Variants in XIRP2 observed in about 807,000 individuals in gnomAD.
XIRP2 encodes xin actin binding repeat containing 2, also known as xin actin-binding repeat-containing protein 2.
In XIRP2, 236 loss-of-function variants were observed where a neutral mutation model predicts 277.0. The observed-to-expected ratio is 0.85, with a 90% CI of 0.77 to 0.95. The LOEUF (loss-of-function observed/expected upper bound fraction) is 0.95, where lower values mean the gene tolerates loss of function less well. Ranked by LOEUF, XIRP2 falls within the 40% of genes least tolerant of loss-of-function variation. XIRP2 has a pLI of 0.00. For missense variants in XIRP2, 4,640 were observed against 4,157.5 expected (o/e 1.12, Z -3.19); for synonymous variants, 1,490 against 1,416.5 (o/e 1.05, Z -1.17).
intron 2 of XIRP2, among the ~76,000 whole-genome samples, chr2:166,957,122 A>G (rs1423632955): frequency 6.6e-6 from 1 of 151,612 alleles, no homozygotes; most frequent in Non-Finnish European, 1.5e-5. Context: ...TTTTGTTTCC[A>G]TGTTGTGCCT....
chr2:166,979,780 G>T (rs1471583288), intron 2 of XIRP2, among the ~76,000 whole-genome samples: 1 of 152,118 alleles, frequency 6.6e-6, no homozygotes, highest in Admixed American at 6.5e-5. Flanking sequence ...GATTAATTTC[G>T]ATTGCCAATA....
Position 167,257,982 on chromosome 2 carries a change from G to A in XIRP2, c.*165G>A, listed in dbSNP as rs1695709789. The A allele has an allele frequency of 6.2e-7, 1 of 1,613,010 alleles. No individual in the cohort carries two copies. Among genetic ancestry groups the A allele is most frequent in the East Asian group, 2.2e-5 (1 of 44,810 alleles). On this transcript the variant is annotated 3_prime_UTR_variant, in exon 11 of 11. Coordinates refer to ENST00000409195, the MANE Select transcript of XIRP2 (RefSeq NM_152381.6). ...AAGCAGCATAAAGATAGATGGAACT[G>A]CAAAAACCAAAGCAGATCAGTGGAC... is the stretch of plus-strand genomic sequence containing the variant.
At chr2:167,118,728 A>C (rs1382252042) in intron 2 of XIRP2, among the ~76,000 whole-genome samples, 2 of 152,034 alleles carry the variant, frequency 1.3e-5, no homozygotes, top group East Asian at 1.9e-4. Flanking sequence ...GTGGTAAATA[A>C]ATTTCTGATC....
chr2:167,024,193 G>A (rs1688079573), intron 2 of XIRP2, among the ~76,000 whole-genome samples: 1 of 152,002 alleles, frequency 6.6e-6, no homozygotes, highest in South Asian at 2.1e-4. Context: ...GGATTCCTAG[G>A]TATTTTATTC....
chr2:166,913,934 A>G (rs765246069), intron 2 of XIRP2, among the ~76,000 whole-genome samples: 8 of 152,224 alleles, frequency 5.3e-5, no homozygotes, highest in Non-Finnish European at 1.2e-4. Flanking sequence ...CTCTGGTGAT[A>G]GTTATTTTGA....
intron 5 of XIRP2, among the ~76,000 whole-genome samples, chr2:167,235,597 T>C (rs947559755): frequency 2.0e-5 from 3 of 151,858 alleles, no homozygotes; most frequent in Admixed American, 2.0e-4. Context: ...ATGATGACTA[T>C]GAAATGTGAT....
chr2:167,251,415 G>C lies in XIRP2; in HGVS notation c.10023G>C (p.Glu3341Asp). The C allele has an allele frequency of 6.2e-7, 1 of 1,613,598 alleles. No individual in the cohort carries two copies. Among genetic ancestry groups the C allele is most frequent in the Non-Finnish European group, 8.5e-7 (1 of 1,179,682 alleles). Residue 3341 changes from glutamate (E) to aspartate (D), a missense_variant, in exon 9 of 11, where the codon GAG becomes GAC. Glu to Asp is a conservative substitution (Grantham distance 45, BLOSUM62 2). Coordinates refer to ENST00000409195, the MANE Select transcript of XIRP2 (RefSeq NM_152381.6). The stretch of plus-strand genomic sequence containing the variant: ...TAAACAGATGGTTCAGGGAATTTGA[G>C]CATGGCCCAGTTTCTGAAGCAAAGT... ...NEINRWFREF[E>D]HGPVSEAKSN...
chr2:167,159,735 A>C (rs1692308529), intron 3 of XIRP2, among the ~76,000 whole-genome samples: 1 of 152,226 alleles, frequency 6.6e-6, no homozygotes, highest in Admixed American at 6.5e-5. Context: ...TTTCTTATGA[A>C]GATTATATTG....
intron 2 of XIRP2, among the ~76,000 whole-genome samples, chr2:167,004,976 C>T (rs1050493491): frequency 2.0e-5 from 3 of 151,746 alleles, no homozygotes; most frequent in African/African-American, 7.3e-5. Flanking sequence ...AAGTGACCTT[C>T]GTTATTACTT....
intron 2 of XIRP2, among the ~76,000 whole-genome samples, chr2:167,021,466 A>C (rs998294523): frequency 1.3e-5 from 2 of 152,098 alleles, no homozygotes; most frequent in African/African-American, 4.8e-5. Flanking sequence ...ACTTTTATTA[A>C]AGCTCTTACT....
intron 2 of XIRP2, among the ~76,000 whole-genome samples, chr2:166,936,955 T>C (rs991576257): frequency 2.6e-5 from 4 of 152,230 alleles, no homozygotes; most frequent in Non-Finnish European, 4.4e-5. Flanking sequence ...TGAAGAAAGT[T>C]ATTGGTAGCT....
intron 1 of XIRP2, among the ~76,000 whole-genome samples, chr2:166,896,602 A>G (rs969573002): frequency 6.6e-6 from 1 of 152,072 alleles, no homozygotes; most frequent in African/African-American, 2.4e-5. Flanking sequence ...AGAGTCAAAA[A>G]GTTTTAAAAA....
intron 2 of XIRP2, among the ~76,000 whole-genome samples, chr2:167,069,001 T>C (rs531980554): frequency 1.3e-5 from 2 of 152,276 alleles, no homozygotes; most frequent in African/African-American, 2.4e-5. Context: ...TTCCTTCTAG[T>C]TGGCAGTTAT....
chr2:166,985,347 T>A (rs994620161), intron 2 of XIRP2, among the ~76,000 whole-genome samples: 1 of 152,244 alleles, frequency 6.6e-6, no homozygotes, highest in African/African-American at 2.4e-5. Context: ...CATTGATTTT[T>A]ACTTACTAAC....
chr2:166,986,679 AT>A (rs1687014536), intron 2 of XIRP2, among the ~76,000 whole-genome samples: 1 of 152,264 alleles, frequency 6.6e-6, no homozygotes, highest in African/African-American at 2.4e-5. Context: ...CTGAATGTGA[AT>A]GTATAACACT....
intron 3 of XIRP2, among the ~76,000 whole-genome samples, chr2:167,204,839 T>C (rs148755886): frequency 3.9e-5 from 6 of 152,356 alleles, no homozygotes; most frequent in African/African-American, 1.4e-4. Context: ...TTTATGCTTA[T>C]AAAGTCCATT....
At chr2:167,039,122 A>G (rs901407015) in intron 2 of XIRP2, among the ~76,000 whole-genome samples, 1 of 152,168 alleles carries the variant, frequency 6.6e-6, no homozygotes, top group Non-Finnish European at 1.5e-5. Context: ...AGATATATAC[A>G]TACACATAGA....
intron 2 of XIRP2, among the ~76,000 whole-genome samples, chr2:166,906,383 CACAT>C (rs572607314): frequency 1.6e-3 from 246 of 151,906 alleles, no homozygotes; most frequent in Non-Finnish European, 2.6e-3. Flanking sequence ...TACACATATA[CACAT>C]ACATTATGTA....
At chr2:166,964,983 G>C (rs1321776305) in intron 2 of XIRP2, among the ~76,000 whole-genome samples, 1 of 151,780 alleles carries the variant, frequency 6.6e-6, no homozygotes, top group Non-Finnish European at 1.5e-5. Context: ...GTCTTTAAGA[G>C]ACATGGTATG....
Sources: allele counts gnomAD v4.1 joint callset (sites outside exome capture counted in the v4.1 genomes callset), GRCh38; gene constraint gnomAD v4.1.1; transcripts MANE v1.5; gene names NCBI Gene and HGNC (gene_info 2026-07-23, HGNC 2026-07-21).